The following FRMD4B variants were observed in gnomAD, a reference collection of about 807,000 sequenced individuals.
FRMD4B encodes the protein FERM domain containing 4B.
FRMD4B carries 74 observed loss-of-function variants against 141.5 expected under a neutral mutation model. That is an observed-to-expected ratio of 0.52 (90% CI 0.43 to 0.63). The LOEUF (loss-of-function observed/expected upper bound fraction) is 0.63, where lower values mean the gene tolerates loss of function less well. Ranked by LOEUF, FRMD4B falls within the 30% of genes least tolerant of loss-of-function variation. FRMD4B has a pLI of 0.00. For synonymous variants in FRMD4B, 506 were observed against 467.9 expected (o/e 1.08, Z -1.05); for missense variants, 1,366 against 1,253.4 (o/e 1.09, Z -1.36).
At chr3:69,462,062 T>G (rs2315490) in intron 1 of FRMD4B, among the ~76,000 whole-genome samples, 1 of 152,194 alleles carries the variant, frequency 6.6e-6, no homozygotes, top group Non-Finnish European at 1.5e-5. Flanking sequence ...AAAAAGCAGA[T>G]GCTGAGACAA....
chr3:69,182,401 A>G (rs977131102), intron 20 of FRMD4B, among the ~76,000 whole-genome samples, 197 bp downstream of exon 20: 8 of 152,240 alleles, frequency 5.3e-5, no homozygotes, highest in African/African-American at 1.9e-4. Context: ...CTAAAAATCT[A>G]ATGTATATTT....
At chr3:69,360,899 G>A (rs1051867404) in intron 1 of FRMD4B, among the ~76,000 whole-genome samples, 3 of 151,992 alleles carry the variant, frequency 2.0e-5, no homozygotes, top group Non-Finnish European at 2.9e-5. Flanking sequence ...CAGTATGATG[G>A]CATTCTAATT....
At chr3:69,421,805 C>T (rs532413926) in intron 2 of FRMD4B, among the ~76,000 whole-genome samples, 5 of 152,282 alleles carry the variant, frequency 3.3e-5, no homozygotes, top group African/African-American at 9.6e-5. Context: ...TCTTGGATAG[C>T]CCTGGCCTAA....
At chr3:69,312,560 G>A (rs1701635881) in intron 2 of FRMD4B, among the ~76,000 whole-genome samples, 1 of 152,126 alleles carries the variant, frequency 6.6e-6, no homozygotes, top group South Asian at 2.1e-4. Context: ...AAGATTCTTG[G>A]TCCAGAGTGT....
chr3:69,261,196 G>T (rs1362954017), intron 5 of FRMD4B, among the ~76,000 whole-genome samples: 1 of 152,170 alleles, frequency 6.6e-6, no homozygotes, highest in Non-Finnish European at 1.5e-5. Context: ...GCTGGCGAAG[G>T]TCTGCATTTT....
chr3:69,247,905 T>C (rs1044555770), intron 7 of FRMD4B, among the ~76,000 whole-genome samples: 2 of 152,216 alleles, frequency 1.3e-5, no homozygotes, highest in Non-Finnish European at 2.9e-5. Context: ...CGCCTCAGCC[T>C]CTCAAAGTGC....
intron 2 of FRMD4B, among the ~76,000 whole-genome samples, chr3:69,393,361 A>G (rs1471196841): frequency 4.7e-5 from 7 of 149,514 alleles, no homozygotes; most frequent in African/African-American, 1.7e-4. Context: ...TCATGGTGTG[A>G]GACTTTGTCT....
chr3:69,302,234 T>A, intron 4 of FRMD4B, 109 bp downstream of exon 4: 1 of 681,414 alleles, frequency 1.5e-6, no homozygotes. Context: ...TCTCTTTTTA[T>A]TTGCTATCTC....
intron 2 of FRMD4B, among the ~76,000 whole-genome samples, chr3:69,420,487 C>G (rs1704956409): frequency 6.6e-6 from 1 of 152,052 alleles, no homozygotes; most frequent in Non-Finnish European, 1.5e-5. Flanking sequence ...GGTCACTGAC[C>G]TAGCAACTGG....
intron 5 of FRMD4B, among the ~76,000 whole-genome samples, chr3:69,275,954 A>C (rs1052458158): frequency 1.2e-4 from 18 of 152,160 alleles, no homozygotes; most frequent in African/African-American, 4.3e-4. Flanking sequence ...CATATACATA[A>C]GCACATAATA....
intron 12 of FRMD4B, among the ~76,000 whole-genome samples, chr3:69,197,511 T>C (rs1575600358): frequency 2.0e-5 from 3 of 148,428 alleles, no homozygotes; most frequent in South Asian, 2.1e-4. Context: ...GCTGAAAATA[T>C]GCAAGTCCAA....
intron 1 of FRMD4B, among the ~76,000 whole-genome samples, chr3:69,444,623 A>G (rs1431262900): frequency 4.6e-5 from 7 of 152,238 alleles, no homozygotes; most frequent in Non-Finnish European, 1.0e-4. Context: ...TCTAGGAGGA[A>G]CTTATATCAT....
chr3:69,314,184 C>T (rs1256419375), intron 1 of FRMD4B, among the ~76,000 whole-genome samples: 3 of 109,762 alleles, frequency 2.7e-5, no homozygotes, highest in Admixed American at 1.0e-4. Flanking sequence ...GCCTCTCCAT[C>T]CCAGAGGAAA....
At chr3:69,475,268 C>T (rs1705967005) in intron 1 of FRMD4B, among the ~76,000 whole-genome samples, 1 of 151,558 alleles carries the variant, frequency 6.6e-6, no homozygotes, top group African/African-American at 2.4e-5. Flanking sequence ...AGGTTAGTTA[C>T]ATAGGTATAC....
chr3:69,505,117 C>T (rs536406616), intron 1 of FRMD4B, among the ~76,000 whole-genome samples: 1 of 152,288 alleles, frequency 6.6e-6, no homozygotes, highest in Non-Finnish European at 1.5e-5. Flanking sequence ...TGCCTATAAT[C>T]CCAGCATTTT....
rs866042215 is a variant in FRMD4B at position 69,393,349 on chromosome 3, C to T, written c.-1+39285G>A. ...AAGTACAAAAAAAAAAAAAAAAGAG[C>T]GTCATGGTGTGAGACTTTGTCTTGT... On this transcript the variant is annotated intron_variant, in intron 2 of 5. Coordinates refer to the FRMD4B transcript ENST00000459638. Among the ~76,000 whole-genome samples, 24 of 131,930 alleles carry T rather than the reference C, an allele frequency of 1.8e-4. 1 individual carries two copies. Among genetic ancestry groups the T allele is most frequent in the Admixed American group, 3.8e-4 (5 of 13,126 alleles). The allele number at this position is 131,930 out of a possible 152,430, so 86.6% of individuals were successfully genotyped here.
intron 1 of FRMD4B, among the ~76,000 whole-genome samples, chr3:69,517,188 A>T (rs1700773736): frequency 6.6e-6 from 1 of 152,312 alleles, no homozygotes; most frequent in East Asian, 1.9e-4. Context: ...TAAAAAATCC[A>T]TTGACACCAA....
intron 5 of FRMD4B, among the ~76,000 whole-genome samples, chr3:69,268,991 C>T (rs970429466): frequency 2.8e-4 from 42 of 147,602 alleles, no homozygotes; most frequent in Non-Finnish European, 1.9e-4. Flanking sequence ...TGCAATGGGG[C>T]GATCTTGGCT....
chr3:69,319,455 T>G (rs185739631), intron 1 of FRMD4B, among the ~76,000 whole-genome samples: 1 of 152,328 alleles, frequency 6.6e-6, no homozygotes, highest in Admixed American at 6.5e-5. Context: ...TGACCCATTT[T>G]AAAGAAGATA....
Sources: allele counts gnomAD v4.1 joint callset (sites outside exome capture counted in the v4.1 genomes callset), GRCh38; gene constraint gnomAD v4.1.1; transcripts MANE v1.5; gene names NCBI Gene and HGNC (gene_info 2026-07-23, HGNC 2026-07-21).